The following XPOT variants were observed in gnomAD, a reference collection of about 807,000 sequenced individuals.
XPOT encodes exportin for tRNA, also known as exportin-T.
Under a neutral mutation model 128.2 loss-of-function variants are expected in XPOT, and 34 were observed. The observed-to-expected ratio is 0.27, with a 90% CI of 0.20 to 0.35. The LOEUF is 0.35. Among genes scored for constraint, XPOT ranks in the 10% least tolerant of loss-of-function variants. XPOT has a pLI of 1.00. For missense variants in XPOT, 838 were observed against 1,125.3 expected, an observed-to-expected ratio of 0.74 and a Z score of 3.65; for synonymous variants, 348 against 394.3, an observed-to-expected ratio of 0.88 and a Z score of 1.39.
chr12:64,434,597 T>C lies in XPOT; in HGVS notation c.2543T>C (p.Ile848Thr), dbSNP rs2040267572. 1 of 1,613,880 alleles carries C rather than the reference T, an allele frequency of 6.2e-7. No homozygotes were observed. The highest frequency in any genetic ancestry group is 1.7e-5 in the Admixed American group (1 of 59,992). ...DPIAQKTCFI[I>T]LSKLVELWGG... ...ATTGCACAGAAAACATGTTTTATCA[T>C]CCTCTCAAAGTTGGTAGAACTCTGG... Residue 848 changes from isoleucine to threonine, a missense_variant, in exon 20 of 25, where the codon ATC (isoleucine) becomes ACC (threonine). Physicochemically the swap from Ile to Thr is moderately conservative, Grantham distance 89. Coordinates refer to ENST00000332707, the MANE Select transcript of XPOT (RefSeq NM_007235.6).
chr12:64,426,465 T>A (rs1229163185), intron 15 of XPOT, among the ~76,000 whole-genome samples: 1 of 152,086 alleles, frequency 6.6e-6, no homozygotes, highest in Non-Finnish European at 1.5e-5. Flanking sequence ...CCACATGTTC[T>A]CACTTATAAG....
At chr12:64,418,799 C>T in intron 5 of XPOT, 77 bp from the exon 6 acceptor site, 1 of 1,371,548 alleles carries the variant, frequency 7.3e-7, no homozygotes, top group Non-Finnish European at 1.0e-6. Context: ...GAAACTTTGC[C>T]TTTTAATAAG....
chr12:64,415,763 G>A (rs1180202166), intron 3 of XPOT, among the ~76,000 whole-genome samples: 1 of 152,040 alleles, frequency 6.6e-6, no homozygotes, highest in African/African-American at 2.4e-5. Context: ...CTTTATCTTT[G>A]TATACTAACT....
At chr12:64,415,118 A>G (rs945106635) in intron 3 of XPOT, 129 bp downstream of exon 3, 3 of 622,302 alleles carry the variant, frequency 4.8e-6, no homozygotes, top group African/African-American at 3.7e-5. Context: ...TTGCAAAGCC[A>G]TTAACATATA....
Position 64,430,080 on chromosome 12 carries a change from A to T in XPOT, c.1769A>T (p.Asp590Val), listed in dbSNP as rs773276992. The T allele has an allele frequency of 2.6e-5, 42 of 1,611,938 alleles. No homozygotes were observed. The East Asian group carries it at 8.5e-4, about 33-fold the overall frequency. ...ENGHQSLLSS[D>V]DQLFIYETAG... ...GGCCACCAGTCCTTACTGAGCAGCG[A>T]TGATCAACTTTTTATTTATGAGACA... Residue 590 changes from aspartate (D) to valine (V), a missense_variant, in exon 17 of 25, where the codon GAT becomes GTT. Asp to Val is a radical substitution (Grantham distance 152). Transcript: ENST00000332707.
chr12:64,422,868 ACTCC>A (rs200619562), intron 9 of XPOT, 133 bp from the exon 10 acceptor site: 474 of 771,162 alleles, frequency 6.1e-4, no homozygotes, highest in Admixed American at 1.3e-3. Flanking sequence ...GCGCCACTGC[ACTCC>A]AGCCTGGGCA....
At chr12:64,417,933 C>A in intron 4 of XPOT, 113 bp from the exon 5 acceptor site, 1 of 696,934 alleles carries the variant, frequency 1.4e-6, no homozygotes, top group Non-Finnish European at 2.3e-6. Flanking sequence ...TAGGGAACTT[C>A]AGATAATTGA....
chr12:64,428,183 C>A, intron 16 of XPOT, 63 bp downstream of exon 16: 1 of 1,166,960 alleles, frequency 8.6e-7, no homozygotes, highest in Non-Finnish European at 1.2e-6. Flanking sequence ...GTGCCATTAG[C>A]CTTGCCTTTG....
At chr12:64,418,150 T>G (rs185715245) in intron 5 of XPOT, 35 bp downstream of exon 5, 2 of 1,563,436 alleles carry the variant, frequency 1.3e-6, no homozygotes, top group South Asian at 2.3e-5. Flanking sequence ...CCTCAAATTA[T>G]TAGATATTTA....
At chr12:64,434,974 C>G in intron 21 of XPOT, 65 bp downstream of exon 21, 1 of 1,311,124 alleles carries the variant, frequency 7.6e-7, no homozygotes, top group Non-Finnish European at 1.1e-6. Flanking sequence ...TTCTTTAATG[C>G]CAGGTTGATT....
At position 64,439,175 on chromosome 12, in the gene XPOT, T is replaced by C; in HGVS notation, c.2734-69T>C. ...TATTGCCTTTAAAGTGTACATGTAT[T>C]GTTCCGATTCTTTTTAAGCTTATTA... On this transcript the variant is annotated intron_variant, in intron 22 of 24. Transcript: ENST00000332707. The C allele has an allele frequency of 2.1e-6, 3 of 1,433,032 alleles. No individual in the cohort carries two copies. The South Asian group carries it at 3.5e-5, about 17-fold the overall frequency. The allele number at this position is 1,433,032 out of a possible 1,614,324, so 88.8% of individuals were successfully genotyped here. A position where few individuals can be genotyped will look rare whatever the true frequency, so the allele number is the denominator to read the frequency against.
intron 2 of XPOT, among the ~76,000 whole-genome samples, chr12:64,412,850 C>T (rs2040052696): frequency 6.6e-6 from 1 of 152,158 alleles, no homozygotes; most frequent in South Asian, 2.1e-4. Flanking sequence ...AAACAGTTGA[C>T]TTTCTTGTGC....
At chr12:64,432,024 G>A (rs1221288952) in intron 18 of XPOT, among the ~76,000 whole-genome samples, 1 of 152,054 alleles carries the variant, frequency 6.6e-6, no homozygotes, top group Non-Finnish European at 1.5e-5. Context: ...ATAGATGTTT[G>A]AATATAAACA....
In XPOT at chr12:64,433,474, G is replaced by A; in HGVS notation, c.2323G>A (p.Val775Met). ...GCCCCTGCTTCATGCAATTTTTGAA[G>A]TGCTGCTCCGGCCAGCAGAAGAAAA... ...FMPLLHAIFE[V>M]LLRPAEENDQ... Residue 775 changes from valine (V) to methionine (M), a missense_variant, in exon 19 of 25, where the codon GTG (valine) becomes ATG (methionine). Transcript: ENST00000332707. 6.2e-7 allele frequency: 1 copy of A among 1,608,642 alleles called. No individual in the cohort carries two copies. The highest frequency in any genetic ancestry group is 1.3e-5 in the African/African-American group (1 of 74,850).
chr12:64,424,427 AC>A (rs1271810956), intron 11 of XPOT, among the ~76,000 whole-genome samples, 171 bp from the exon 12 acceptor site: 1 of 152,250 alleles, frequency 6.6e-6, no homozygotes, highest in South Asian at 2.1e-4. Context: ...CTGGATATTT[AC>A]ATGAATTTTA....
At chr12:64,445,596 C>T (rs775839979) in intron 24 of XPOT, among the ~76,000 whole-genome samples, 10 of 151,790 alleles carry the variant, frequency 6.6e-5, no homozygotes, top group Non-Finnish European at 1.2e-4. Flanking sequence ...AAAAGTGTCA[C>T]GTGTTTATTT....
At chr12:64,426,189 C>T (rs2040190770) in intron 15 of XPOT, among the ~76,000 whole-genome samples, 1 of 151,756 alleles carries the variant, frequency 6.6e-6, no homozygotes, top group Non-Finnish European at 1.5e-5. Context: ...TTCCTGTAAT[C>T]CCACCTACTC....
chr12:64,417,984 A>AT, intron 4 of XPOT, 62 bp from the exon 5 acceptor site: 5 of 1,373,992 alleles, frequency 3.6e-6, no homozygotes, highest in Admixed American at 2.2e-5. Flanking sequence ...TGAGGCTGTT[A>AT]TTTTTTACAA....
chr12:64,433,054 G>A (rs558312043), intron 18 of XPOT, among the ~76,000 whole-genome samples: 5 of 152,066 alleles, frequency 3.3e-5, no homozygotes, highest in South Asian at 4.2e-4. Flanking sequence ...GTTCCCCTGC[G>A]TCAGCCTCCT....
Sources: gnomAD v4.1 joint callset for allele counts (sites outside exome capture counted in the v4.1 genomes callset) on GRCh38, gnomAD v4.1.1 for gene constraint, MANE v1.5 for transcripts, NCBI Gene and HGNC (gene_info 2026-07-23, HGNC 2026-07-21) for gene names.